The following YAE1 variants were observed in gnomAD, a reference collection of about 807,000 sequenced individuals.
The protein encoded by YAE1 is protein YAE1 homolog.
YAE1 carries 22 observed loss-of-function variants against 23.0 expected under a neutral mutation model. That is an observed-to-expected ratio of 0.96 (90% CI 0.68 to 1.37). YAE1 has a LOEUF of 1.37. Among genes scored for constraint, YAE1 ranks in the 40% most tolerant of loss-of-function variants. The probability of loss-of-function intolerance (pLI) is 0.00; values close to 1 mark genes in which losing one functional copy is unlikely to be tolerated. For missense variants in YAE1, 260 were observed against 262.1 expected (o/e 0.99, Z 0.06); for synonymous variants, 101 against 97.0 (o/e 1.04, Z -0.24).
intron 2 of YAE1, among the ~76,000 whole-genome samples, chr7:39,572,025 AG>A (rs1180157700): frequency 6.6e-6 from 1 of 152,212 alleles, no homozygotes; most frequent in Non-Finnish European, 1.5e-5. Flanking sequence ...TTGCTAGTTA[AG>A]AAGCTGTTTA....
intron 2 of YAE1, among the ~76,000 whole-genome samples, chr7:39,586,000 C>A: frequency 6.6e-6 from 1 of 151,898 alleles, no homozygotes; most frequent in East Asian, 1.9e-4. Flanking sequence ...CTTGGGAAGC[C>A]GAGGTGGAAG....
rs146170576 is a variant in YAE1 at position 39,610,281 on chromosome 7, A to G, written c.*295A>G. The G allele has an allele frequency of 4.1e-4, 211 of 512,094 alleles. 1 individual carries two copies. The highest frequency in any genetic ancestry group is 3.8e-3 in the African/African-American group (199 of 51,938). 31.7% of individuals were successfully genotyped at this position (512,094 alleles called of 1,614,324 possible). A position where few individuals can be genotyped will look rare whatever the true frequency, so the allele number is the denominator to read the frequency against. On this transcript the variant is annotated 3_prime_UTR_variant, in exon 3 of 3. Coordinates refer to the YAE1 transcript ENST00000432096. Reference sequence around the variant, plus strand: ...AAGCCCAACAAACTATGTGTCTTGAAGCTTTTTGTTGCAGATCTCGGTACC... The same window carrying G: ...AAGCCCAACAAACTATGTGTCTTGAGGCTTTTTGTTGCAGATCTCGGTACC...
intron 2 of YAE1, among the ~76,000 whole-genome samples, chr7:39,579,647 A>AAC (rs1469681427): frequency 6.8e-6 from 1 of 146,806 alleles, no homozygotes. Flanking sequence ...CAGCCTGGAC[A>AAC]ACAGAGTGAG....
intron 2 of YAE1, among the ~76,000 whole-genome samples, chr7:39,598,336 C>T (rs938895782): frequency 2.0e-5 from 3 of 151,716 alleles, no homozygotes; most frequent in Non-Finnish European, 4.4e-5. Context: ...TCTCAAACTC[C>T]CGACCTCAAG....
downstream of YAE1, among the ~76,000 whole-genome samples, chr7:39,610,974 C>T (rs552361903): frequency 2.6e-5 from 4 of 151,934 alleles, no homozygotes; most frequent in Non-Finnish European, 5.9e-5. Context: ...GTGGAGAAAC[C>T]CTGTCCCTAC....
intron 2 of YAE1, among the ~76,000 whole-genome samples, chr7:39,601,701 G>C (rs2329459): frequency 6.7e-6 from 1 of 150,068 alleles, no homozygotes; most frequent in South Asian, 2.1e-4. Flanking sequence ...AGAGGTTTCA[G>C]TGAGCCGAGA....
At chr7:39,569,278 T>C (rs17171592) in intron 1 of YAE1, 28,518 of 250,730 alleles carry the variant, frequency 0.11, 2,168 homozygotes, top group African/African-American at 0.25. Context: ...CTAGACTGAA[T>C]GCTGTAATAT....
rs200549232 is a variant in YAE1, at chr7:39,572,485, G to A, written c.460G>A (p.Glu154Lys). 1.4e-4 allele frequency: 220 copies of A among 1,614,002 alleles called. No individual in the cohort carries two copies. The highest frequency in any genetic ancestry group is 1.7e-4 in the Non-Finnish European group (206 of 1,179,988). Residue 154 changes from glutamate (E) to lysine (K), a missense_variant, in exon 3 of 3, where the codon GAA becomes AAA. Physicochemically the swap from Glu to Lys is moderately conservative, Grantham distance 56. Coordinates refer to ENST00000223273, the MANE Select transcript of YAE1 (RefSeq NM_020192.5). ...HVVPAEKKID[E>K]AKDERLCENN... ...AGTTCCAGCTGAGAAAAAGATTGATGAAGCTAAAGATGAAAGACTCTGTGA... is the reference window on the plus strand; with the variant it reads ...AGTTCCAGCTGAGAAAAAGATTGATAAAGCTAAAGATGAAAGACTCTGTGA...
At chr7:39,595,733 G>A (rs1484164394) in intron 2 of YAE1, among the ~76,000 whole-genome samples, 3 of 152,154 alleles carry the variant, frequency 2.0e-5, no homozygotes, top group Non-Finnish European at 2.9e-5. Flanking sequence ...GACTGGAGAT[G>A]CCCTTGTACA....
downstream of YAE1, among the ~76,000 whole-genome samples, chr7:39,610,734 T>C (rs1562599364): frequency 6.6e-6 from 1 of 152,246 alleles, no homozygotes; most frequent in Non-Finnish European, 1.5e-5. Flanking sequence ...TTAAAAACTA[T>C]GGTCTACAGA....
chr7:39,571,942 G>A (rs541454611), intron 2 of YAE1, among the ~76,000 whole-genome samples: 1 of 152,146 alleles, frequency 6.6e-6, no homozygotes, highest in Non-Finnish European at 1.5e-5. Flanking sequence ...TTTAATTGGT[G>A]TGGAGTATAA....
At chr7:39,583,893 T>C (rs1583674761) in intron 2 of YAE1, among the ~76,000 whole-genome samples, 1 of 152,244 alleles carries the variant, frequency 6.6e-6, no homozygotes, top group East Asian at 1.9e-4. Context: ...AGAATCTGCA[T>C]ATATGGAGCA....
At chr7:39,598,784 CA>C (rs60563799) in intron 2 of YAE1, among the ~76,000 whole-genome samples, 6,062 of 77,046 alleles carry the variant, frequency 0.079, 344 homozygotes, top group African/African-American at 0.19. Context: ...GGTCCTGTCT[CA>C]AAAAAAAAAA....
intron 2 of YAE1, among the ~76,000 whole-genome samples, chr7:39,589,657 GATCACTA>G (rs1790874447): frequency 6.6e-6 from 1 of 152,088 alleles, no homozygotes; most frequent in Non-Finnish European, 1.5e-5. Context: ...AATCCATTTT[GATCACTA>G]ATTCTGTTCT....
exon 3 of YAE1, chr7:39,609,786 A>T: frequency 6.5e-7 from 1 of 1,532,384 alleles, no homozygotes; most frequent in Non-Finnish European, 8.7e-7. Flanking sequence ...GGTTCCCCAA[A>T]GCGGCCGCGC....
At chr7:39,580,821 G>A (rs1790731081) in intron 2 of YAE1, among the ~76,000 whole-genome samples, 1 of 152,152 alleles carries the variant, frequency 6.6e-6, no homozygotes. Context: ...ATTCTAGGCT[G>A]AGAATTTTTC....
intron 2 of YAE1, among the ~76,000 whole-genome samples, chr7:39,598,797 A>AGAAG (rs1554292882): frequency 6.7e-6 from 1 of 148,380 alleles, no homozygotes; most frequent in African/African-American, 2.6e-5. Context: ...AAAAAAAAAA[A>AGAAG]AAGAAGAAGA....
chr7:39,572,786 A>G lies in YAE1; in HGVS notation c.*80A>G. 6.7e-7 allele frequency: 1 copy of G among 1,495,264 alleles called. No individual in the cohort carries two copies. Among genetic ancestry groups the G allele is most frequent in the Non-Finnish European group, 8.9e-7 (1 of 1,128,568 alleles). 92.6% of individuals were successfully genotyped at this position (1,495,264 alleles called of 1,614,324 possible). A position where few individuals can be genotyped will look rare whatever the true frequency, so the allele number is the denominator to read the frequency against. ...AATCGAAATTTGTACTGGTTTCTGC[A>G]TCAAACACCTCAACTGTAGGGTTAC... On this transcript the variant is annotated 3_prime_UTR_variant, in exon 3 of 3. Transcript: ENST00000223273.
intron 2 of YAE1, among the ~76,000 whole-genome samples, chr7:39,586,437 G>A (rs1790814740): frequency 6.6e-6 from 1 of 151,358 alleles, no homozygotes; most frequent in Non-Finnish European, 1.5e-5. Context: ...CTCCCAAAGT[G>A]CTGGGATTAC....
Sources: gnomAD v4.1 joint callset for allele counts (sites outside exome capture counted in the v4.1 genomes callset) on GRCh38, gnomAD v4.1.1 for gene constraint, MANE v1.5 for transcripts, NCBI Gene and HGNC (gene_info 2026-07-23, HGNC 2026-07-21) for gene names.